Variants in GPM6A observed in about 807,000 individuals in gnomAD.
GPM6A encodes glycoprotein M6A.
GPM6A carries 7 observed loss-of-function variants against 32.1 expected under a neutral mutation model. That is an observed-to-expected ratio of 0.22 (90% CI 0.12 to 0.41). GPM6A has a LOEUF of 0.41. GPM6A is among the 10% of genes least tolerant of loss of function. GPM6A has a pLI of 1.00. For synonymous variants in GPM6A, 130 were observed against 123.4 expected (o/e 1.05, Z -0.35); for missense variants, 235 against 347.2 (o/e 0.68, Z 2.57).
At chr4:175,919,640 T>TA (rs1228047708) in intron 1 of GPM6A, among the ~76,000 whole-genome samples, 1 of 152,182 alleles carries the variant, frequency 6.6e-6, no homozygotes, top group Admixed American at 6.5e-5. Flanking sequence ...CCATGACTGC[T>TA]AATTTCCTTT....
At chr4:175,783,404 T>C (rs1733684491) in intron 1 of GPM6A, among the ~76,000 whole-genome samples, 1 of 151,976 alleles carries the variant, frequency 6.6e-6, no homozygotes, top group East Asian at 1.9e-4. Context: ...GACTTCAATA[T>C]TTCATAAATT....
chr4:175,756,454 C>A (rs1171273223), intron 1 of GPM6A, among the ~76,000 whole-genome samples: 1 of 152,082 alleles, frequency 6.6e-6, no homozygotes, highest in Non-Finnish European at 1.5e-5. Flanking sequence ...ATGAAACAGT[C>A]TGGCTGGTTT....
intron 1 of GPM6A, among the ~76,000 whole-genome samples, chr4:175,848,456 AG>A (rs1469431177): frequency 6.6e-6 from 1 of 152,146 alleles, no homozygotes; most frequent in Non-Finnish European, 1.5e-5. Flanking sequence ...ACTGTCTTAC[AG>A]TGTTTAAAAT....
intron 1 of GPM6A, among the ~76,000 whole-genome samples, chr4:175,773,474 A>G (rs1049190428): frequency 6.6e-6 from 1 of 152,170 alleles, no homozygotes; most frequent in Non-Finnish European, 1.5e-5. Context: ...AAATATCTCA[A>G]TCAGAGCTAA....
intron 1 of GPM6A, among the ~76,000 whole-genome samples, chr4:175,867,058 A>G (rs1276947176): frequency 6.6e-6 from 1 of 152,130 alleles, no homozygotes; most frequent in East Asian, 1.9e-4. Context: ...ACCTTATTTG[A>G]TAAGGGGTCT....
chr4:175,684,608 T>C (rs1743871329), intron 2 of GPM6A, among the ~76,000 whole-genome samples: 1 of 152,198 alleles, frequency 6.6e-6, no homozygotes, highest in African/African-American at 2.4e-5. Context: ...GCTGTCCAGT[T>C]GTTCCAACAT....
At chr4:175,905,855 T>C (rs993619141) in intron 1 of GPM6A, among the ~76,000 whole-genome samples, 1 of 152,096 alleles carries the variant, frequency 6.6e-6, no homozygotes, top group Non-Finnish European at 1.5e-5. Context: ...CCTTTCGTCA[T>C]TAAGAAAAAA....
chr4:175,691,439 C>A (rs535764801), intron 2 of GPM6A, among the ~76,000 whole-genome samples: 2 of 151,854 alleles, frequency 1.3e-5, no homozygotes, highest in South Asian at 2.1e-4. Context: ...TTTTAAAAAG[C>A]ATATAAGAAA....
intron 2 of GPM6A, among the ~76,000 whole-genome samples, chr4:175,685,256 A>G (rs1455745306): frequency 6.6e-6 from 1 of 152,168 alleles, no homozygotes; most frequent in African/African-American, 2.4e-5. Context: ...ATGTCCATTG[A>G]CGTTTTATTA....
At chr4:175,942,416 A>C (rs909587512) in intron 1 of GPM6A, among the ~76,000 whole-genome samples, 2 of 152,052 alleles carry the variant, frequency 1.3e-5, no homozygotes, top group African/African-American at 4.8e-5. Flanking sequence ...TTTTGTTGCC[A>C]TTGCTTTTGG....
At chr4:175,754,363 G>A (rs1732450167) in intron 1 of GPM6A, among the ~76,000 whole-genome samples, 1 of 152,058 alleles carries the variant, frequency 6.6e-6, no homozygotes, top group South Asian at 2.1e-4. Context: ...TTTAACACAT[G>A]AAAAGTAGAT....
chr4:175,754,967 C>G (rs1474123658), intron 1 of GPM6A, among the ~76,000 whole-genome samples: 1 of 151,916 alleles, frequency 6.6e-6, no homozygotes, highest in Non-Finnish European at 1.5e-5. Context: ...CTACTCCCCC[C>G]ACAACACACA....
intron 1 of GPM6A, among the ~76,000 whole-genome samples, chr4:175,809,839 AT>A (rs1426946395): frequency 6.6e-6 from 1 of 152,236 alleles, no homozygotes; most frequent in Admixed American, 6.5e-5. Flanking sequence ...ATTGCAATTA[AT>A]TAATGAATCC....
intron 1 of GPM6A, among the ~76,000 whole-genome samples, chr4:175,793,611 G>A (rs1474601556): frequency 6.6e-6 from 1 of 151,990 alleles, no homozygotes; most frequent in Non-Finnish European, 1.5e-5. Context: ...CCTGACCTCA[G>A]TTGATTCGCC....
At chr4:175,834,233 C>T (rs145982961) in intron 1 of GPM6A, among the ~76,000 whole-genome samples, 93 of 152,266 alleles carry the variant, frequency 6.1e-4, no homozygotes, top group Middle Eastern at 6.8e-3. Flanking sequence ...AATGTCCCTA[C>T]GCCTCAATTC....
At chr4:175,812,109 G>A (rs1734942550) in intron 1 of GPM6A, 82 bp downstream of exon 1, 1 of 1,020,324 alleles carries the variant, frequency 9.8e-7, no homozygotes, top group East Asian at 2.6e-5. Context: ...ACATTCATTA[G>A]CCTTACTGGC....
chr4:175,724,993 C>G (rs1048635203), intron 1 of GPM6A, among the ~76,000 whole-genome samples: 1 of 152,134 alleles, frequency 6.6e-6, no homozygotes, highest in Admixed American at 6.5e-5. Context: ...ACATTCTTCC[C>G]TTACATATCT....
At chr4:175,728,977 T>C (rs1480233422) in intron 1 of GPM6A, among the ~76,000 whole-genome samples, 2 of 152,208 alleles carry the variant, frequency 1.3e-5, no homozygotes, top group Non-Finnish European at 2.9e-5. Context: ...TGATCTACAC[T>C]GGCTCTAAGT....
chr4:175,692,565 T>G (rs564953695), intron 2 of GPM6A, among the ~76,000 whole-genome samples: 1 of 152,274 alleles, frequency 6.6e-6, no homozygotes, highest in South Asian at 2.1e-4. Context: ...TAGCAATTTT[T>G]CTTTTATAAA....
Sources: allele counts gnomAD v4.1 joint callset (sites outside exome capture counted in the v4.1 genomes callset), GRCh38; gene constraint gnomAD v4.1.1; transcripts MANE v1.5; gene names NCBI Gene and HGNC (gene_info 2026-07-23, HGNC 2026-07-21).